The following MACROD2 variants were observed in gnomAD, a reference collection of about 807,000 sequenced individuals.
The protein encoded by MACROD2 is ADP-ribose glycohydrolase MACROD2.
In MACROD2, 36 loss-of-function variants were observed where a neutral mutation model predicts 70.4. The observed-to-expected ratio is 0.51, with a 90% CI of 0.39 to 0.68. The LOEUF (loss-of-function observed/expected upper bound fraction) is 0.68. Among genes scored for constraint, MACROD2 ranks in the 30% least tolerant of loss-of-function variants. MACROD2 has a pLI of 0.00. For synonymous variants in MACROD2, 172 were observed against 178.8 expected, an observed-to-expected ratio of 0.96 and a Z score of 0.30; for missense variants, 496 against 538.4, an observed-to-expected ratio of 0.92 and a Z score of 0.78.
At chr20:15,482,564 ACT>A (rs2047112416) in intron 7 of MACROD2, among the ~76,000 whole-genome samples, 1 of 152,140 alleles carries the variant, frequency 6.6e-6, no homozygotes, top group African/African-American at 2.4e-5. Flanking sequence ...AAGGGGGTAA[ACT>A]CTTTTGTGCG....
intron 13 of MACROD2, among the ~76,000 whole-genome samples, chr20:15,969,692 G>T (rs1452612816): frequency 6.6e-6 from 1 of 152,022 alleles, no homozygotes; most frequent in Non-Finnish European, 1.5e-5. Flanking sequence ...AAGAGGAAAA[G>T]ATATTAAGGA....
chr20:14,138,201 G>A (rs978391196), intron 3 of MACROD2, among the ~76,000 whole-genome samples: 1 of 152,186 alleles, frequency 6.6e-6, no homozygotes, highest in Admixed American at 6.5e-5. Flanking sequence ...CAGTATGGAG[G>A]TTCCTTGAGA....
intron 9 of MACROD2, among the ~76,000 whole-genome samples, chr20:15,881,899 A>T (rs575066421): frequency 4.5e-4 from 68 of 152,242 alleles, no homozygotes; most frequent in African/African-American, 1.5e-3. Context: ...TTTCATTGTT[A>T]TACTTTTTCT....
intron 8 of MACROD2, among the ~76,000 whole-genome samples, chr20:15,817,016 G>C (rs1434890696): frequency 6.6e-6 from 1 of 152,210 alleles, no homozygotes; most frequent in Non-Finnish European, 1.5e-5. Flanking sequence ...ATCTCATGGA[G>C]TTCAATGAGA....
intron 5 of MACROD2, among the ~76,000 whole-genome samples, chr20:14,747,886 A>T (rs1010799370): frequency 1.4e-4 from 22 of 152,150 alleles, no homozygotes; most frequent in African/African-American, 5.3e-4. Flanking sequence ...CTACTAGGAC[A>T]GTATCCACGT....
intron 2 of MACROD2, among the ~76,000 whole-genome samples, chr20:14,066,864 A>T (rs62209485): frequency 0.2 from 26,582 of 130,066 alleles, 2,719 homozygotes; most frequent in Admixed American, 0.3. Flanking sequence ...CAGGCTGGAG[A>T]GCAGTGGCGC....
chr20:15,729,491 G>T (rs1463589682), intron 8 of MACROD2, among the ~76,000 whole-genome samples: 1 of 152,114 alleles, frequency 6.6e-6, no homozygotes, highest in East Asian at 1.9e-4. Flanking sequence ...GGGTGTGGAA[G>T]TCTCCTGCTA....
At chr20:14,384,103 G>A (rs1020946653) in intron 3 of MACROD2, among the ~76,000 whole-genome samples, 1 of 152,020 alleles carries the variant, frequency 6.6e-6, no homozygotes, top group Non-Finnish European at 1.5e-5. Flanking sequence ...TGCTTAAAAT[G>A]CCAAAATGCC....
chr20:16,005,895 G>A (rs2147515843), intron 15 of MACROD2, among the ~76,000 whole-genome samples: 1 of 152,216 alleles, frequency 6.6e-6, no homozygotes, highest in East Asian at 1.9e-4. Flanking sequence ...TGTTCTCTCA[G>A]TAACACCACC....
At chr20:14,092,180 T>G (rs1049081803) in intron 3 of MACROD2, among the ~76,000 whole-genome samples, 1 of 152,196 alleles carries the variant, frequency 6.6e-6, no homozygotes, top group Non-Finnish European at 1.5e-5. Context: ...TTGATATTTA[T>G]TTTTTATTTT....
intron 3 of MACROD2, among the ~76,000 whole-genome samples, chr20:14,237,762 CA>C (rs1287602795): frequency 1.6e-5 from 2 of 126,258 alleles, no homozygotes; most frequent in Non-Finnish European, 3.1e-5. Context: ...TCTCATTGTT[CA>C]ATTCCCACCT....
At chr20:15,328,629 C>G (rs1007750513) in intron 6 of MACROD2, among the ~76,000 whole-genome samples, 65 of 152,222 alleles carry the variant, frequency 4.3e-4, no homozygotes, top group African/African-American at 1.6e-3. Context: ...ACAGCTAAAC[C>G]TGGGGTCTCC....
chr20:14,812,609 A>T (rs1407765724), intron 5 of MACROD2, among the ~76,000 whole-genome samples: 1 of 152,034 alleles, frequency 6.6e-6, no homozygotes, highest in Admixed American at 6.6e-5. Flanking sequence ...ATTCACTAAT[A>T]ATCATATTCT....
intron 5 of MACROD2, among the ~76,000 whole-genome samples, chr20:14,773,271 T>C (rs2072193747): frequency 6.6e-6 from 1 of 152,108 alleles, no homozygotes; most frequent in South Asian, 2.1e-4. Context: ...TATTACTAGA[T>C]ATTTCTATGC....
chr20:15,286,890 G>A (rs562736733), intron 6 of MACROD2, among the ~76,000 whole-genome samples: 1 of 152,088 alleles, frequency 6.6e-6, no homozygotes, highest in African/African-American at 2.4e-5. Flanking sequence ...TTGAGGGGTA[G>A]GCATGGGTTG....
At chr20:15,524,094 C>A (rs763920118) in intron 8 of MACROD2, among the ~76,000 whole-genome samples, 4 of 152,106 alleles carry the variant, frequency 2.6e-5, no homozygotes, top group Admixed American at 1.3e-4. Flanking sequence ...TTCATGTTTG[C>A]TTTTGAAGAA....
chr20:14,354,734 G>A (rs1158568328), intron 3 of MACROD2, among the ~76,000 whole-genome samples: 1 of 152,112 alleles, frequency 6.6e-6, no homozygotes, highest in African/African-American at 2.4e-5. Flanking sequence ...CCAACAGTTA[G>A]TTTTTCAACC....
chr20:14,019,733 CTTG>C (rs547419646), intron 2 of MACROD2, among the ~76,000 whole-genome samples: 318 of 152,044 alleles, frequency 2.1e-3, no homozygotes, highest in Non-Finnish European at 2.8e-3. Flanking sequence ...GTGGAGCCAT[CTTG>C]TTGTGAGAAA....
At chr20:14,650,291 G>A (rs1444689871) in intron 4 of MACROD2, among the ~76,000 whole-genome samples, 1 of 152,166 alleles carries the variant, frequency 6.6e-6, no homozygotes, top group Non-Finnish European at 1.5e-5. Flanking sequence ...ATGTAAATAT[G>A]TCTGATCTCT....
Sources: gnomAD v4.1 joint callset for allele counts (sites outside exome capture counted in the v4.1 genomes callset) on GRCh38, gnomAD v4.1.1 for gene constraint, MANE v1.5 for transcripts, NCBI Gene and HGNC (gene_info 2026-07-23, HGNC 2026-07-21) for gene names.